Variants in MALRD1 observed in about 807,000 individuals in gnomAD.
MALRD1 encodes MAM and LDL receptor class A domain containing 1.
A neutral mutation model predicts 242.1 loss-of-function variants in MALRD1; 247 were observed. The ratio of observed to expected loss-of-function variants is 1.02; its 90% confidence interval spans 0.92 to 1.13. The LOEUF is 1.13. Among genes scored for constraint, MALRD1 ranks in the 50% most tolerant of loss-of-function variants. MALRD1 has a pLI of 0.00. For missense variants in MALRD1, 2,989 were observed against 2,533.1 expected (o/e 1.18, Z -3.86); for synonymous variants, 995 against 866.6 (o/e 1.15, Z -2.60).
At chr10:19,388,218 C>T (rs1846168851) in intron 27 of MALRD1, among the ~76,000 whole-genome samples, 1 of 152,112 alleles carries the variant, frequency 6.6e-6, no homozygotes, top group South Asian at 2.1e-4. Context: ...GGATTAGTGT[C>T]CATCCTAACA....
intron 12 of MALRD1, among the ~76,000 whole-genome samples, chr10:19,155,803 A>G (rs1273627899): frequency 6.6e-6 from 1 of 152,224 alleles, no homozygotes; most frequent in East Asian, 1.9e-4. Context: ...ATTATATGGA[A>G]TAATGTCAAG....
chr10:19,606,331 T>C (rs914084816), intron 34 of MALRD1, among the ~76,000 whole-genome samples: 2 of 152,114 alleles, frequency 1.3e-5, no homozygotes, highest in East Asian at 1.9e-4. Flanking sequence ...CTTTAAACTT[T>C]TAGTAGCAGG....
At chr10:19,314,349 T>G (rs1386299493) in intron 21 of MALRD1, among the ~76,000 whole-genome samples, 1 of 151,448 alleles carries the variant, frequency 6.6e-6, no homozygotes, top group Non-Finnish European at 1.5e-5. Flanking sequence ...GGCTTGAAAA[T>G]GAGGGTACAT....
intron 38 of MALRD1, among the ~76,000 whole-genome samples, chr10:19,700,240 CT>C (rs1833565686): frequency 2.0e-5 from 3 of 152,194 alleles, no homozygotes; most frequent in Admixed American, 1.3e-4. Context: ...CACCTTACAG[CT>C]AAGCCTTGAC....
chr10:19,189,512 A>G (rs1249106590), intron 14 of MALRD1, among the ~76,000 whole-genome samples: 2 of 152,066 alleles, frequency 1.3e-5, no homozygotes, highest in Non-Finnish European at 2.9e-5. Context: ...ACTGCAAAAA[A>G]AACTATGAAC....
chr10:19,681,318 G>A (rs1211501093), intron 36 of MALRD1, among the ~76,000 whole-genome samples: 2 of 152,020 alleles, frequency 1.3e-5, no homozygotes, highest in African/African-American at 4.8e-5. Flanking sequence ...CGGTCTTTTT[G>A]CATAATCACA....
rs181020181 is a variant in MALRD1, at chr10:19,374,075, T to C, written c.4442-13453T>C. 3.4e-3 allele frequency among the ~76,000 whole-genome samples: 517 copies of C among 152,334 alleles called. 7 individuals are homozygous for C. The highest frequency in any genetic ancestry group is 0.031 in the South Asian group (149 of 4,828). On this transcript the variant is annotated intron_variant, in intron 26 of 39. Transcript: ENST00000454679. The stretch of plus-strand genomic sequence containing the variant: ...TTTAAGTTTGGCATCTTTATTGTCT[T>C]TCCAAAGAAAGTTCATTTAAATATG...
intron 28 of MALRD1, among the ~76,000 whole-genome samples, chr10:19,443,171 T>G (rs2130997809): frequency 6.6e-6 from 1 of 152,306 alleles, no homozygotes; most frequent in East Asian, 1.9e-4. Context: ...GATATCCCCT[T>G]TATCATTTTT....
intron 34 of MALRD1, chr10:19,598,268 A>T (rs1038202512): frequency 1.3e-5 from 2 of 152,156 alleles, no homozygotes; most frequent in African/African-American, 4.8e-5. Context: ...TTCAGGGATC[A>T]TGTCTATAGT....
chr10:19,423,630 A>G (rs924545588), intron 28 of MALRD1, among the ~76,000 whole-genome samples: 19 of 152,160 alleles, frequency 1.2e-4, no homozygotes, highest in African/African-American at 4.6e-4. Context: ...GTGGCAGGTC[A>G]TCATGTATGT....
At chr10:19,567,185 T>A (rs1472322692) in intron 32 of MALRD1, among the ~76,000 whole-genome samples, 10 of 152,204 alleles carry the variant, frequency 6.6e-5, no homozygotes, top group Admixed American at 6.5e-4. Context: ...TAGACAAAGT[T>A]CTTTAGCAAT....
intron 14 of MALRD1, among the ~76,000 whole-genome samples, chr10:19,201,185 A>G (rs1588689686): frequency 6.6e-6 from 1 of 152,160 alleles, no homozygotes; most frequent in African/African-American, 2.4e-5. Context: ...ATATACACAT[A>G]TATATTTATA....
At chr10:19,200,387 C>T (rs981294167) in intron 14 of MALRD1, among the ~76,000 whole-genome samples, 1 of 152,108 alleles carries the variant, frequency 6.6e-6, no homozygotes, top group Non-Finnish European at 1.5e-5. Context: ...GTGGCTAATA[C>T]CAGAAGGAGT....
At chr10:19,161,647 C>A (rs1471958323) in intron 12 of MALRD1, among the ~76,000 whole-genome samples, 2 of 147,706 alleles carry the variant, frequency 1.4e-5, no homozygotes, top group Non-Finnish European at 3.0e-5. Flanking sequence ...GCTTTGCAGA[C>A]CTGTTTAATG....
intron 17 of MALRD1, among the ~76,000 whole-genome samples, chr10:19,207,904 G>A (rs1373576256): frequency 6.6e-6 from 1 of 152,090 alleles, no homozygotes; most frequent in Non-Finnish European, 1.5e-5. Context: ...CTTGCACTTT[G>A]GTGCCATTAT....
intron 32 of MALRD1, among the ~76,000 whole-genome samples, chr10:19,559,959 A>C (rs970038653): frequency 6.6e-6 from 1 of 152,188 alleles, no homozygotes; most frequent in African/African-American, 2.4e-5. Flanking sequence ...CTCACACCAG[A>C]ATGGTGATCA....
intron 28 of MALRD1, among the ~76,000 whole-genome samples, chr10:19,425,735 T>A (rs550409214): frequency 1.1e-4 from 17 of 152,270 alleles, no homozygotes; most frequent in Admixed American, 9.2e-4. Context: ...TTGACTCCAT[T>A]TCTTGATAGA....
At chr10:19,333,240 T>C (rs1843465507) in intron 24 of MALRD1, among the ~76,000 whole-genome samples, 1 of 152,266 alleles carries the variant, frequency 6.6e-6, no homozygotes, top group Admixed American at 6.5e-5. Context: ...ATGGTTAGTC[T>C]TGTCAGCCAG....
intron 35 of MALRD1, among the ~76,000 whole-genome samples, chr10:19,608,166 T>C (rs190407601): frequency 1.4e-3 from 210 of 152,214 alleles, no homozygotes; most frequent in African/African-American, 4.8e-3. Context: ...ACAATGTAAT[T>C]TAAGATTATT....
Sources: gnomAD v4.1 joint callset for allele counts (sites outside exome capture counted in the v4.1 genomes callset) on GRCh38, gnomAD v4.1.1 for gene constraint, MANE v1.5 for transcripts, NCBI Gene and HGNC (gene_info 2026-07-23, HGNC 2026-07-21) for gene names.